The following ROBO2 variants were observed in gnomAD, a reference collection of about 807,000 sequenced individuals.
ROBO2 encodes roundabout homolog 2.
A neutral mutation model predicts 160.8 loss-of-function variants in ROBO2; 53 were observed. That is an observed-to-expected ratio of 0.33 (90% confidence interval 0.26 to 0.41). The LOEUF is 0.41. Among genes scored for constraint, ROBO2 ranks in the 10% least tolerant of loss-of-function variants. The pLI is 1.00. For synonymous variants in ROBO2, 664 were observed against 611.7 expected (o/e 1.09, Z -1.26); for missense variants, 1,577 against 1,722.4 (o/e 0.92, Z 1.49).
chr3:77,457,591 C>T (rs2081803658), intron 2 of ROBO2, among the ~76,000 whole-genome samples: 1 of 152,068 alleles, frequency 6.6e-6, no homozygotes, highest in African/African-American at 2.4e-5. Flanking sequence ...CCTTGCTTCC[C>T]ATACAACAGG....
intron 2 of ROBO2, among the ~76,000 whole-genome samples, chr3:76,399,726 G>A (rs137860605): frequency 1.3e-5 from 2 of 151,776 alleles, no homozygotes; most frequent in African/African-American, 4.8e-5. Flanking sequence ...GAATACAGAG[G>A]CCGTCAGGGG....
At chr3:77,509,386 G>A (rs1219116874) in intron 5 of ROBO2, among the ~76,000 whole-genome samples, 1 of 151,996 alleles carries the variant, frequency 6.6e-6, no homozygotes, top group Non-Finnish European at 1.5e-5. Context: ...TCCTTCATAA[G>A]GTTTTCAGGT....
intron 2 of ROBO2, among the ~76,000 whole-genome samples, chr3:76,016,671 C>CA (rs2066414082): frequency 1.3e-5 from 2 of 151,828 alleles, no homozygotes; most frequent in African/African-American, 4.8e-5. Context: ...CTGGTATATG[C>CA]AAAATCTTCA....
intron 2 of ROBO2, among the ~76,000 whole-genome samples, chr3:77,277,169 T>C (rs866576394): frequency 1.0e-4 from 10 of 95,330 alleles, no homozygotes; most frequent in East Asian, 2.5e-4. Flanking sequence ...TCTTTCTTTC[T>C]TTCTTTCTTT....
intron 2 of ROBO2, among the ~76,000 whole-genome samples, chr3:77,016,956 A>G (rs894421713): frequency 1.3e-5 from 2 of 152,198 alleles, no homozygotes; most frequent in African/African-American, 4.8e-5. Context: ...AATATTTACT[A>G]AAGTTATGAT....
chr3:75,946,397 G>A (rs567186572), intron 2 of ROBO2, among the ~76,000 whole-genome samples: 2 of 152,138 alleles, frequency 1.3e-5, no homozygotes, highest in South Asian at 4.1e-4. Flanking sequence ...AGTGAAGAAG[G>A]CAAAGACACA....
At chr3:76,922,193 C>A (rs981588918) in intron 2 of ROBO2, among the ~76,000 whole-genome samples, 1 of 152,080 alleles carries the variant, frequency 6.6e-6, no homozygotes, top group Non-Finnish European at 1.5e-5. Flanking sequence ...TGCCTGTAGT[C>A]CCAGCTACTC....
At chr3:76,770,718 T>G (rs1455110572) in intron 2 of ROBO2, among the ~76,000 whole-genome samples, 3 of 151,336 alleles carry the variant, frequency 2.0e-5, no homozygotes, top group Non-Finnish European at 4.4e-5. Context: ...AACATTGTGT[T>G]TTTAAAAATA....
At chr3:76,576,919 A>T (rs1326793976) in intron 2 of ROBO2, among the ~76,000 whole-genome samples, 1 of 152,016 alleles carries the variant, frequency 6.6e-6, no homozygotes, top group East Asian at 1.9e-4. Flanking sequence ...TTCCAGGGAC[A>T]CTATACCTTG....
chr3:77,485,693 T>C (rs1039688227), intron 4 of ROBO2, among the ~76,000 whole-genome samples: 17 of 152,128 alleles, frequency 1.1e-4, no homozygotes, highest in African/African-American at 4.1e-4. Flanking sequence ...TCCTTACTTA[T>C]AGCATCCTGT....
chr3:76,576,143 A>G (rs1002111891), intron 2 of ROBO2, among the ~76,000 whole-genome samples: 3 of 152,090 alleles, frequency 2.0e-5, no homozygotes, highest in African/African-American at 7.2e-5. Flanking sequence ...AACTGAAGGA[A>G]TTACTATATT....
At chr3:77,143,204 T>C (rs1032832300) in intron 2 of ROBO2, among the ~76,000 whole-genome samples, 38 of 110,166 alleles carry the variant, frequency 3.4e-4, no homozygotes, top group African/African-American at 1.2e-3. Context: ...TTTTTTTTTT[T>C]AGATGGAGTC....
At chr3:76,772,372 T>C (rs1460188275) in intron 2 of ROBO2, among the ~76,000 whole-genome samples, 2 of 150,370 alleles carry the variant, frequency 1.3e-5, no homozygotes, top group African/African-American at 4.9e-5. Flanking sequence ...TAATACACAT[T>C]TATATGTATA....
chr3:76,487,610 A>C (rs1284244480), intron 2 of ROBO2, among the ~76,000 whole-genome samples: 1 of 152,178 alleles, frequency 6.6e-6, no homozygotes, highest in Non-Finnish European at 1.5e-5. Flanking sequence ...TCATATTATC[A>C]GGGCAGAAGT....
chr3:76,217,902 A>G (rs1157342154), intron 2 of ROBO2, among the ~76,000 whole-genome samples: 2 of 152,202 alleles, frequency 1.3e-5, no homozygotes, highest in African/African-American at 4.8e-5. Flanking sequence ...ACATTGATGC[A>G]AAAATCCTCA....
At chr3:76,672,005 A>C (rs1433920590) in intron 2 of ROBO2, among the ~76,000 whole-genome samples, 3 of 152,116 alleles carry the variant, frequency 2.0e-5, no homozygotes, top group Admixed American at 6.6e-5. Flanking sequence ...GAGTTCACAA[A>C]GATAGATTTT....
intron 2 of ROBO2, among the ~76,000 whole-genome samples, chr3:77,215,413 C>T (rs913147305): frequency 5.3e-5 from 8 of 152,052 alleles, no homozygotes; most frequent in Admixed American, 1.3e-4. Flanking sequence ...GTTCTCGTGC[C>T]GTGGATTTCA....
rs900092209 is a variant in ROBO2 at position 77,142,482 on chromosome 3, C to A, written c.388+44142C>A. ...TCTGAGGAGTGCTAATATATAATAACCTAATCTTAAGGACATGACTATAAT... is the reference window on the plus strand; with the variant it reads ...TCTGAGGAGTGCTAATATATAATAAACTAATCTTAAGGACATGACTATAAT... On this transcript the variant is annotated intron_variant, in intron 2 of 25. Transcript: ENST00000461745. Among the ~76,000 whole-genome samples, 4 of 152,274 alleles carry A rather than the reference C, an allele frequency of 2.6e-5. No individual in the cohort carries two copies. In the East Asian group the frequency reaches 7.7e-4, roughly 29 times the overall value.
At chr3:76,222,454 G>A (rs112503357) in intron 2 of ROBO2, among the ~76,000 whole-genome samples, 20 of 152,120 alleles carry the variant, frequency 1.3e-4, no homozygotes, top group African/African-American at 4.3e-4. Flanking sequence ...TAATTCCAGG[G>A]TCTTGTGTCA....
Sources: allele counts gnomAD v4.1 joint callset (sites outside exome capture counted in the v4.1 genomes callset), GRCh38; gene constraint gnomAD v4.1.1; transcripts MANE v1.5; gene names NCBI Gene and HGNC (gene_info 2026-07-23, HGNC 2026-07-21).